The following EGLN1 variants were observed in gnomAD, a reference collection of about 807,000 sequenced individuals.
EGLN1 encodes the protein egl-9 family hypoxia inducible factor 1.
EGLN1 carries 17 observed loss-of-function variants against 38.3 expected under a neutral mutation model. The observed-to-expected ratio is 0.44, with a 90% CI of 0.30 to 0.67. EGLN1 has a LOEUF of 0.67. Among genes scored for constraint, EGLN1 ranks in the 30% least tolerant of loss-of-function variants. EGLN1 has a pLI of 0.08. For synonymous variants in EGLN1, 283 were observed against 257.5 expected, an observed-to-expected ratio of 1.10 and a Z score of -0.95; for missense variants, 477 against 603.3, an observed-to-expected ratio of 0.79 and a Z score of 2.19.
intron 2 of EGLN1, 43 bp downstream of exon 2, chr1:231,373,937 G>T: frequency 6.2e-7 from 1 of 1,609,174 alleles, no homozygotes; most frequent in Non-Finnish European, 8.5e-7. Flanking sequence ...TTGAGAAAAA[G>T]ACACCTGTAA....
At chr1:231,377,615 G>C (rs774163237) in intron 1 of EGLN1, among the ~76,000 whole-genome samples, 1 of 152,276 alleles carries the variant, frequency 6.6e-6, no homozygotes, top group Non-Finnish European at 1.5e-5. Flanking sequence ...GGAGTTTATC[G>C]ATAACTGTCA....
At chr1:231,415,012 G>T (rs932392933) in intron 1 of EGLN1, among the ~76,000 whole-genome samples, 1 of 151,988 alleles carries the variant, frequency 6.6e-6, no homozygotes, top group Non-Finnish European at 1.5e-5. Context: ...AGGATTACAG[G>T]CATGAGCCAG....
chr1:231,380,381 C>G (rs746773417), intron 1 of EGLN1, among the ~76,000 whole-genome samples: 14 of 146,760 alleles, frequency 9.5e-5, no homozygotes, highest in Non-Finnish European at 2.0e-4. Context: ...TCACAGTAAA[C>G]AACTCAGTGG....
Position 231,365,507 on chromosome 1 carries a change from G to C in EGLN1, c.*904C>G, listed in dbSNP as rs943086085. 1.3e-5 allele frequency: 2 copies of C among 152,186 alleles called. No individual in the cohort carries two copies. Among genetic ancestry groups the C allele is most frequent in the African/African-American group, 4.8e-5 (2 of 41,422 alleles). The allele number at this position is 152,186 out of a possible 1,614,324, so 9.4% of individuals were successfully genotyped here. On this transcript the variant is annotated 3_prime_UTR_variant, in exon 5 of 5. Coordinates refer to ENST00000366641, the MANE Select transcript of EGLN1 (RefSeq NM_022051.3). ...ACAAAAATTAGTCAGGCATGGTGGT[G>C]TGTGCCTGCAGTCCCAGCTAGTTGG...
intron 2 of EGLN1, 43 bp from the exon 3 acceptor site, chr1:231,370,741 G>A (rs1372924813): frequency 6.2e-7 from 1 of 1,608,694 alleles, no homozygotes; most frequent in Non-Finnish European, 8.5e-7. Context: ...AACCAAAAAT[G>A]CTACAAGATT....
At chr1:231,412,902 T>C (rs1331174709) in intron 1 of EGLN1, among the ~76,000 whole-genome samples, 3 of 152,196 alleles carry the variant, frequency 2.0e-5, no homozygotes, top group African/African-American at 7.2e-5. Context: ...AAGTCATTCA[T>C]GACTCTTCCA....
At chr1:231,398,779 G>C (rs1213731716) in intron 1 of EGLN1, among the ~76,000 whole-genome samples, 1 of 151,550 alleles carries the variant, frequency 6.6e-6, no homozygotes, top group Non-Finnish European at 1.5e-5. Flanking sequence ...GATAAAGTGA[G>C]GGTTTAACTA....
chr1:231,384,286 T>C (rs562358767), intron 1 of EGLN1, among the ~76,000 whole-genome samples: 1 of 151,614 alleles, frequency 6.6e-6, no homozygotes, highest in Non-Finnish European at 1.5e-5. Context: ...CACTACTTAA[T>C]AGAAAAGATA....
intron 3 of EGLN1, 90 bp downstream of exon 3, chr1:231,370,472 A>C: frequency 7.2e-7 from 1 of 1,383,890 alleles, no homozygotes; most frequent in Non-Finnish European, 1.0e-6. Context: ...TGGCAGGAAA[A>C]TACTCATTAG....
chr1:231,373,683 T>TGTGTGTGTGC (rs1687885603), intron 2 of EGLN1, among the ~76,000 whole-genome samples: 1 of 33,874 alleles, frequency 3.0e-5, no homozygotes, highest in African/African-American at 5.4e-5. Flanking sequence ...TGTGCGTGTG[T>TGTGTGTGTGC]GTGTGTGTGT....
chr1:231,404,412 G>A (rs1189779959), intron 1 of EGLN1, among the ~76,000 whole-genome samples: 1 of 152,018 alleles, frequency 6.6e-6, no homozygotes, highest in Admixed American at 6.6e-5. Flanking sequence ...AGACTATACA[G>A]TAAATAAAAG....
chr1:231,404,648 T>C (rs1262695846), intron 1 of EGLN1, among the ~76,000 whole-genome samples: 2 of 152,118 alleles, frequency 1.3e-5, no homozygotes, highest in East Asian at 3.9e-4. Context: ...TAAACTCATT[T>C]GTGTGTGAGA....
At chr1:231,394,249 T>C (rs1018920111) in intron 1 of EGLN1, among the ~76,000 whole-genome samples, 4 of 152,238 alleles carry the variant, frequency 2.6e-5, no homozygotes, top group African/African-American at 7.2e-5. Context: ...AAGTTGTCTC[T>C]GACCTCACCT....
chr1:231,392,056 G>A (rs1688403645), intron 1 of EGLN1, among the ~76,000 whole-genome samples: 1 of 152,182 alleles, frequency 6.6e-6, no homozygotes. Context: ...GGGAGGCCTA[G>A]GCGGGCGGAT....
rs1328133284 is a variant in EGLN1 at position 231,366,366 on chromosome 1, T to C, written c.*45A>G. On this transcript the variant is annotated 3_prime_UTR_variant, in exon 5 of 5. Transcript: ENST00000366641. ...TTCGTATTCACAAGTTAACAAATAG[T>C]TAACAATATTGTAGGTGAAGTGGGG... The C allele has an allele frequency of 6.3e-7, 1 of 1,585,090 alleles. No homozygotes were observed. The highest frequency in any genetic ancestry group is 8.7e-7 in the Non-Finnish European group (1 of 1,154,288).
rs528658881 is a variant in EGLN1 at position 231,389,314 on chromosome 1, T to A, written c.892-15215A>T. ...TATTCTCATCTTGCAGAGTAAACTA[T>A]AAAATGAGGGTAAGACAGCTTGGCA... On this transcript the variant is annotated intron_variant, in intron 1 of 4. Coordinates refer to ENST00000366641, the MANE Select transcript of EGLN1 (RefSeq NM_022051.3). Among the ~76,000 whole-genome samples, 6 of 152,336 alleles carry A rather than the reference T, an allele frequency of 3.9e-5. No homozygotes were observed. The South Asian group carries it at 1.2e-3, about 32-fold the overall frequency.
At chr1:231,402,477 G>T (rs189597072) in intron 1 of EGLN1, among the ~76,000 whole-genome samples, 117 of 147,656 alleles carry the variant, frequency 7.9e-4, no homozygotes, top group Admixed American at 2.1e-3. Flanking sequence ...CTCTGTCACT[G>T]AGACTGAAGT....
At chr1:231,370,496 TTACTC>T in intron 3 of EGLN1, 61 bp downstream of exon 3, 2 of 1,562,284 alleles carry the variant, frequency 1.3e-6, no homozygotes, top group Non-Finnish European at 1.8e-6. Flanking sequence ...GCTTTCACGT[TTACTC>T]TACAGATTCC....
Position 231,415,940 on chromosome 1 carries a change from C to T in EGLN1, c.891+5058G>A, listed in dbSNP as rs150693609. 7.3e-3 allele frequency among the ~76,000 whole-genome samples: 1,108 copies of T among 152,070 alleles called. 6 individuals carry two copies. The highest frequency in any genetic ancestry group is 0.011 in the South Asian group (51 of 4,828). On this transcript the variant is annotated intron_variant, in intron 1 of 4. Coordinates refer to ENST00000366641, the MANE Select transcript of EGLN1 (RefSeq NM_022051.3). Reference sequence around the variant, plus strand: ...CCGGCTCACTGCAATCTCTGCCTGCCGGGTTCAAGCGATTCTCCTACCTCA... The same window carrying T: ...CCGGCTCACTGCAATCTCTGCCTGCTGGGTTCAAGCGATTCTCCTACCTCA...
Sources: allele counts gnomAD v4.1 joint callset (sites outside exome capture counted in the v4.1 genomes callset), GRCh38; gene constraint gnomAD v4.1.1; transcripts MANE v1.5; gene names NCBI Gene and HGNC (gene_info 2026-07-23, HGNC 2026-07-21).